Variants in SAGE1 observed in about 807,000 individuals in gnomAD.
SAGE1 encodes the protein sarcoma antigen 1.
A neutral mutation model predicts 55.4 loss-of-function variants in SAGE1; 55 were observed. The ratio of observed to expected loss-of-function variants is 0.99; its 90% CI spans 0.80 to 1.24. The LOEUF (loss-of-function observed/expected upper bound fraction) is 1.24. SAGE1 is among the 50% of genes most tolerant of loss of function. SAGE1 has a pLI of 0.00. For synonymous variants in SAGE1, 240 were observed against 244.3 expected (o/e 0.98, Z 0.17); for missense variants, 710 against 704.4 (o/e 1.01, Z -0.09).
intron 5 of SAGE1, 111 bp from the exon 6 acceptor site, chrX:135,905,913 T>A: frequency 1.5e-6 from 1 of 689,261 alleles, no homozygotes; most frequent in Non-Finnish European, 2.2e-6. Flanking sequence ...ACCTGATATG[T>A]CCTCCTGGTT....
At chrX:135,909,541 T>A in intron 13 of SAGE1, 98 bp from the exon 14 acceptor site, 1 of 885,906 alleles carries the variant, frequency 1.1e-6, no homozygotes, top group Non-Finnish European at 1.6e-6. Context: ...TCCTGTGTTA[T>A]GGAACAATTT....
At chrX:135,900,906 G>A (rs1202376847) in intron 2 of SAGE1, among the ~76,000 whole-genome samples, 1 of 110,822 alleles carries the variant, frequency 9.0e-6, no homozygotes, top group Non-Finnish European at 1.9e-5. Context: ...CAGCACTTTG[G>A]GAGGCCGAGG....
rs782649719 is a variant in SAGE1, at chrX:135,906,135, C to A, written c.566C>A (p.Pro189His). 8.3e-7 allele frequency: 1 copy of A among 1,204,077 alleles called. No homozygotes were observed. The highest frequency in any genetic ancestry group is 2.2e-5 in the Admixed American group (1 of 45,316). Residue 189 changes from proline (P) to histidine (H), a missense_variant, in exon 6 of 20, where the codon CCT becomes CAT. Pro to His is a moderately conservative substitution (Grantham distance 77). Coordinates refer to ENST00000370709, the MANE Select transcript of SAGE1 (RefSeq NM_001381902.1). ...GGGCTTATTAATATGGCAGCAACTC[C>A]TATTCCAGCCATGAGTGCCAGAGAT... ...PTGLINMAAT[P>H]IPAMSARDLY... is the part of the protein sequence containing the mutation.
At chrX:135,912,160 T>C (rs2088909736) in intron 18 of SAGE1, 161 bp from the exon 19 acceptor site, 1 of 749,506 alleles carries the variant, frequency 1.3e-6, no homozygotes. Flanking sequence ...TCACAATAGT[T>C]TCCTTAGTAA....
In SAGE1 at chrX:135,908,087, A is replaced by T. The variant is rs781784866; in HGVS notation, c.1160-2A>T. ...AGCTCATCAACTACATTTGGTTTCC[A>T]GATGCTACCATCATTCACAATCTGC... On this transcript the variant is annotated splice_acceptor_variant, in intron 10 of 19. Coordinates refer to ENST00000370709, the MANE Select transcript of SAGE1 (RefSeq NM_001381902.1). LOFTEE classifies it high-confidence loss of function. The T allele has an allele frequency of 2.1e-5, 25 of 1,210,143 alleles. No homozygotes were observed. Among genetic ancestry groups the T allele is most frequent in the Admixed American group, 6.5e-5 (3 of 45,906 alleles).
At chrX:135,907,996 A>G in intron 10 of SAGE1, 93 bp from the exon 11 acceptor site, 2 of 1,095,013 alleles carry the variant, frequency 1.8e-6, no homozygotes, top group Non-Finnish European at 2.5e-6. Context: ...CTTAGGAGAT[A>G]AATTCCTAGA....
chrX:135,905,255 C>T lies in SAGE1; in HGVS notation c.317C>T (p.Ala106Val). The change falls in exon 5 of 20, where the codon GCT (alanine) becomes GTT (valine). Residue 106 changes from alanine to valine, a missense_variant. By Grantham distance (64) the Ala-to-Val change is moderately conservative. Coordinates refer to ENST00000370709, the MANE Select transcript of SAGE1 (RefSeq NM_001381902.1). ...AACCTGTTCCATCGGTTTCCAGATGCTACCATCGCTCACAATATCCGTGAA... is the reference window on the plus strand; with the variant it reads ...AACCTGTTCCATCGGTTTCCAGATGTTACCATCGCTCACAATATCCGTGAA... ...VLSTAPPWPD[A>V]TIAHNIREER... 8.3e-7 allele frequency: 1 copy of T among 1,207,960 alleles called. No individual in the cohort carries two copies. The highest frequency in any genetic ancestry group is 1.1e-6 in the Non-Finnish European group (1 of 892,860).
intron 17 of SAGE1, 109 bp downstream of exon 17, chrX:135,911,441 G>T: frequency 1.1e-6 from 1 of 933,868 alleles, no homozygotes; most frequent in African/African-American, 1.9e-5. Context: ...AACTTAGTTT[G>T]AGGGGTCTTG....
intron 8 of SAGE1, 38 bp from the exon 9 acceptor site, chrX:135,907,275 C>T (rs2088812757): frequency 8.4e-7 from 1 of 1,184,675 alleles, no homozygotes; most frequent in South Asian, 1.9e-5. Context: ...TGACATAATG[C>T]ACTTACTCAC....
chrX:135,895,511 A>C (rs567530427), intron 1 of SAGE1, among the ~76,000 whole-genome samples: 1 of 112,347 alleles, frequency 8.9e-6, no homozygotes, highest in Non-Finnish European at 1.9e-5. Flanking sequence ...GGTTAGGCCC[A>C]CTACCCAGTG....
Position 135,911,211 on chromosome X carries a change from T to A in SAGE1, c.2025T>A (p.Ser675Arg). The A allele has an allele frequency of 8.3e-7, 1 of 1,210,893 alleles. No homozygotes were observed. Among genetic ancestry groups the A allele is most frequent in the Non-Finnish European group, 1.1e-6 (1 of 894,816 alleles). Reference sequence around the variant, plus strand: ...TTCCAGATGTCACCGCCACTCACAGTGTCCATGAGGAGAAGATGACAAATG... The same window carrying A: ...TTCCAGATGTCACCGCCACTCACAGAGTCCATGAGGAGAAGATGACAAATG... ...TRDLYVTATH[S>R]VHEEKMTNGQ... The change falls in exon 17 of 20, where the codon AGT (serine) becomes AGA (arginine). Residue 675 changes from serine to arginine, a missense_variant. Ser to Arg is a moderately radical substitution (Grantham distance 110). Coordinates refer to ENST00000370709, the MANE Select transcript of SAGE1 (RefSeq NM_001381902.1).
At chrX:135,909,027 C>T (rs1556604453) in intron 13 of SAGE1, 23 bp downstream of exon 13, 3 of 1,182,968 alleles carry the variant, frequency 2.5e-6, no homozygotes, top group Admixed American at 2.2e-5. Flanking sequence ...ATTAGTTGTA[C>T]TGTCATACTT....
chrX:135,901,427 T>G, intron 2 of SAGE1, 132 bp from the exon 3 acceptor site: 74 of 626,316 alleles, frequency 1.2e-4, no homozygotes, highest in Non-Finnish European at 1.7e-4. Context: ...TGTTCAGGGA[T>G]GAGAAATCTT....
intron 2 of SAGE1, among the ~76,000 whole-genome samples, chrX:135,897,846 G>A (rs2088610058): frequency 9.2e-6 from 1 of 109,001 alleles, no homozygotes; most frequent in Admixed American, 9.8e-5. Flanking sequence ...CCCCCAACAG[G>A]CCCAGTGTGT....
Position 135,913,059 on chromosome X carries a change from G to T in SAGE1, c.*162G>T. ...TAATAAATCTCTGTTAGTAAAAGCT[G>T]CACTTTTCTTGTTTGTTGGTTTCTT... On this transcript the variant is annotated 3_prime_UTR_variant, in exon 20 of 20. Transcript: ENST00000370709. The T allele has an allele frequency of 2.4e-6, 1 of 424,574 alleles. No homozygotes were observed. The highest frequency in any genetic ancestry group is 4.1e-6 in the Non-Finnish European group (1 of 241,359). 35.0% of individuals were successfully genotyped at this position (424,574 alleles called of 1,213,427 possible).
intron 17 of SAGE1, 56 bp from the exon 18 acceptor site, chrX:135,911,523 G>A (rs1556606493): frequency 1.0e-6 from 1 of 960,866 alleles, no homozygotes; most frequent in Non-Finnish European, 1.5e-6. Flanking sequence ...GGGATATACT[G>A]TGGGGGTGAC....
rs782727934 is a variant in SAGE1, at chrX:135,912,328, A to G, written c.2529A>G (p.Glu843=). Residue 843 remains glutamate (E), a synonymous_variant, in exon 19 of 20, where the codon GAA becomes GAG. Coordinates refer to ENST00000370709, the MANE Select transcript of SAGE1 (RefSeq NM_001381902.1). ...KEVRRFGQNY[E]RIFILLEEVQ... ...TTTTTAAAATATCTTCAGATTATGAAAGAATTTTCATTTTGCTTGAAGAGG... is the reference window on the plus strand; with the variant it reads ...TTTTTAAAATATCTTCAGATTATGAGAGAATTTTCATTTTGCTTGAAGAGG... 2.9e-5 allele frequency: 35 copies of G among 1,186,855 alleles called. No individual in the cohort carries two copies. Among genetic ancestry groups the G allele is most frequent in the Non-Finnish European group, 3.8e-5 (34 of 886,108 alleles).
chrX:135,910,244 A>T (rs1177071746), intron 15 of SAGE1, 74 bp downstream of exon 15: 59 of 1,083,738 alleles, frequency 5.4e-5, no homozygotes, highest in Non-Finnish European at 7.2e-5. Flanking sequence ...GGAAGAATGT[A>T]GTTTTGTTGT....
At position 135,912,938 on chromosome X, in the gene SAGE1, C is replaced by T. The variant is rs781952629; in HGVS notation, c.*41C>T. ...GACCAAGGAGAAACAAGGACATATG[C>T]TGTAGGATGGAACAGGTTATTGCTG... On this transcript the variant is annotated 3_prime_UTR_variant, in exon 20 of 20. Coordinates refer to ENST00000370709, the MANE Select transcript of SAGE1 (RefSeq NM_001381902.1). 1.1e-6 allele frequency: 1 copy of T among 917,363 alleles called. No homozygotes were observed. The highest frequency in any genetic ancestry group is 1.6e-6 in the Non-Finnish European group (1 of 639,513). 75.6% of individuals were successfully genotyped at this position (917,363 alleles called of 1,213,427 possible).
Sources: allele counts gnomAD v4.1 joint callset (sites outside exome capture counted in the v4.1 genomes callset), GRCh38; gene constraint gnomAD v4.1.1; transcripts MANE v1.5; gene names NCBI Gene and HGNC (gene_info 2026-07-23, HGNC 2026-07-21).